Variants in EARS2 observed in about 807,000 individuals in gnomAD.
EARS2 encodes glutamyl-tRNA synthetase 2, mitochondrial.
In EARS2, 50 loss-of-function variants were observed where a neutral mutation model predicts 54.1. That is an observed-to-expected ratio of 0.92 (90% CI 0.74 to 1.17). The LOEUF is 1.17. EARS2 is among the 50% of genes most tolerant of loss of function. The pLI, the probability that EARS2 is intolerant of heterozygous loss-of-function variation, is 0.00. For synonymous variants in EARS2, 298 were observed against 281.0 expected (o/e 1.06, Z -0.61); for missense variants, 673 against 675.0 (o/e 1.00, Z 0.03).
chr16:23,552,903 A>T (rs1195987134), intron 1 of EARS2: 1 of 194,390 alleles, frequency 5.1e-6, no homozygotes, highest in Non-Finnish European at 1.1e-5. Context: ...TGGGATTACA[A>T]GCGTGAGCCA....
rs779688591 is a variant in EARS2, at chr16:23,544,621, C to A, written c.378G>T (p.Gln126His). The change falls in exon 3 of 9, where the codon CAG (glutamine) becomes CAT (histidine). Residue 126 changes from glutamine to histidine, a missense_variant. Physicochemically the swap from Gln to His is conservative, Grantham distance 24 (BLOSUM62 0). This residue lies in a region of EARS2 where 316 missense variants were observed against 275.2 expected (regional missense o/e 1.15). Transcript: ENST00000449606. Reference protein sequence around the residue: ...QQSQRLELYAQATEALLKTGA... With the variant: ...QQSQRLELYAHATEALLKTGA... ...CGGTCTTCAGCAGCGCTTCTGTGGC[C>A]TGGGCATACAGCTCCAACCGCTGAG... 1 of 1,613,310 alleles carries A rather than the reference C, an allele frequency of 6.2e-7. No homozygotes were observed. The highest frequency in any genetic ancestry group is 1.1e-5 in the South Asian group (1 of 90,876).
intron 1 of EARS2, chr16:23,553,000 G>A: frequency 2.8e-6 from 1 of 362,352 alleles, no homozygotes; most frequent in Non-Finnish European, 5.5e-6. Context: ...GCTGGGCATG[G>A]TGGTACATGC....
In EARS2 at chr16:23,528,263, T is replaced by C. The variant is rs1050750677; in HGVS notation, c.1352+1239A>G. Among the ~76,000 whole-genome samples, 5 of 152,224 alleles carry C rather than the reference T, an allele frequency of 3.3e-5. No homozygotes were observed. In the East Asian group the frequency reaches 5.8e-4, roughly 18 times the overall value. On this transcript the variant is annotated intron_variant, in intron 7 of 8. Coordinates refer to ENST00000449606, the MANE Select transcript of EARS2 (RefSeq NM_001083614.2). ...ATTATTAACTGGGTCACATGAGTAC[T>C]GCTATTTACAAAAATCAGGAGATGA...
At chr16:23,534,390 G>A (rs6497673) in intron 4 of EARS2, among the ~76,000 whole-genome samples, 125,001 of 152,212 alleles carry the variant, frequency 0.82, 51,428 homozygotes, top group Middle Eastern at 0.89. Context: ...TGGACCATGG[G>A]TAAGTGCTCA....
intron 8 of EARS2, chr16:23,524,935 G>A (rs1048729631): frequency 2.3e-5 from 13 of 555,842 alleles, no homozygotes; most frequent in East Asian, 9.3e-5. Context: ...GTGAGCCACC[G>A]TGCCTGGCCT....
chr16:23,539,651 A>AAAAT (rs1243534805), intron 3 of EARS2, among the ~76,000 whole-genome samples: 7 of 152,140 alleles, frequency 4.6e-5, no homozygotes, highest in South Asian at 2.1e-4. Flanking sequence ...CTGAAAGCTT[A>AAAAT]AAATAAATAA....
intron 7 of EARS2, among the ~76,000 whole-genome samples, chr16:23,527,901 T>G (rs1965257792): frequency 6.6e-6 from 1 of 152,202 alleles, no homozygotes; most frequent in African/African-American, 2.4e-5. Context: ...AATGTTTGTG[T>G]TCCCCTAAAT....
rs139417369 is a variant in EARS2 at position 23,538,232 on chromosome 16, C to T, written c.486-2872G>A. 5.6e-3 allele frequency among the ~76,000 whole-genome samples: 846 copies of T among 152,088 alleles called. 9 individuals carry two copies. The highest frequency in any genetic ancestry group is 0.019 in the African/African-American group (802 of 41,494). On this transcript the variant is annotated intron_variant, in intron 3 of 8. Coordinates refer to ENST00000449606, the MANE Select transcript of EARS2 (RefSeq NM_001083614.2). Reference sequence around the variant, plus strand: ...TGTCACCCAGGCTGGAGTGCAGCGGCGTGATCTTGGCTCACTGTAGCCTCT... The same window carrying T: ...TGTCACCCAGGCTGGAGTGCAGCGGTGTGATCTTGGCTCACTGTAGCCTCT...
At chr16:23,536,653 C>T (rs1225247592) in intron 3 of EARS2, among the ~76,000 whole-genome samples, 1 of 150,730 alleles carries the variant, frequency 6.6e-6, no homozygotes, top group Non-Finnish European at 1.5e-5. Flanking sequence ...CACAGCGAGA[C>T]CCTGTCTCAA....
At chr16:23,539,043 T>A (rs1965471486) in intron 3 of EARS2, among the ~76,000 whole-genome samples, 1 of 139,188 alleles carries the variant, frequency 7.2e-6, no homozygotes, top group Non-Finnish European at 1.5e-5. Context: ...AGTGGCACAA[T>A]CTCAGCTCAC....
chr16:23,541,254 G>GA (rs1965507048), intron 3 of EARS2, among the ~76,000 whole-genome samples: 1 of 152,040 alleles, frequency 6.6e-6, no homozygotes, highest in Non-Finnish European at 1.5e-5. Context: ...TTGAACCTGG[G>GA]AGATGGAGAT....
intron 7 of EARS2, among the ~76,000 whole-genome samples, chr16:23,526,343 C>T (rs1364323045): frequency 6.6e-6 from 1 of 152,042 alleles, no homozygotes; most frequent in Non-Finnish European, 1.5e-5. Flanking sequence ...AACACCTGAC[C>T]TCAGGTGATC....
intron 2 of EARS2, among the ~76,000 whole-genome samples, chr16:23,548,233 C>A (rs199525027): frequency 1.6e-4 from 22 of 135,348 alleles, no homozygotes; most frequent in Non-Finnish European, 3.0e-4. Context: ...GACTCCATCT[C>A]AATAAATAAA....
intron 1 of EARS2, chr16:23,552,976 A>G: frequency 3.1e-6 from 1 of 327,198 alleles, no homozygotes; most frequent in Non-Finnish European, 6.1e-6. Context: ...CTTAGCAAAA[A>G]ATATAAAAAT....
intron 1 of EARS2, among the ~76,000 whole-genome samples, chr16:23,555,124 T>A (rs1210996492): frequency 6.6e-6 from 1 of 152,190 alleles, no homozygotes; most frequent in Non-Finnish European, 1.5e-5. Context: ...CTTAACCCCA[T>A]AAGACAGATA....
At chr16:23,535,445 T>A in intron 3 of EARS2, 85 bp from the exon 4 acceptor site, 1 of 1,308,168 alleles carries the variant, frequency 7.6e-7, no homozygotes, top group Non-Finnish European at 1.1e-6. Flanking sequence ...TGTGTGACCT[T>A]AAGCAAGTCA....
chr16:23,552,906 G>T (rs993710732), intron 1 of EARS2: 1 of 195,308 alleles, frequency 5.1e-6, no homozygotes, highest in Non-Finnish European at 1.1e-5. Context: ...GATTACAAGC[G>T]TGAGCCATTG....
At chr16:23,535,714 G>A (rs2142172665) in intron 3 of EARS2, among the ~76,000 whole-genome samples, 1 of 152,158 alleles carries the variant, frequency 6.6e-6, no homozygotes. Flanking sequence ...CTAGTCACTG[G>A]GATGCAAAGA....
In EARS2 at chr16:23,529,803, G is replaced by A. The variant is rs2142164936; in HGVS notation, c.1162C>T (p.Leu388=). The change falls in exon 6 of 9, where the codon CTG becomes TTG. Residue 388 remains leucine, a synonymous_variant. Transcript: ENST00000449606. The part of the protein sequence containing the change: ...VLVEEAFGCQ[L]QNRDVLNPVY... ...GGGTTGAGGACATCCCTGTTTTGCA[G>A]CTGGCAACCAAAGGCCTCCTCCACA... 6.2e-7 allele frequency: 1 copy of A among 1,614,162 alleles called. No individual in the cohort carries two copies. Among genetic ancestry groups the A allele is most frequent in the South Asian group, 1.1e-5 (1 of 91,084 alleles).
Sources: gnomAD v4.1 joint callset for allele counts (sites outside exome capture counted in the v4.1 genomes callset) on GRCh38, gnomAD v4.1.1 for gene constraint, gnomAD v4.1.1 regional missense constraint, MANE v1.5 for transcripts, NCBI Gene and HGNC (gene_info 2026-07-23, HGNC 2026-07-21) for gene names.